SLC7A5: variants seen among roughly 807,000 people sequenced by gnomAD.
SLC7A5 encodes the protein solute carrier family 7 member 5, also known as large neutral amino acids transporter small subunit 1.
Under a neutral mutation model 50.2 loss-of-function variants are expected in SLC7A5, and 23 were observed. The observed-to-expected ratio is 0.46, with a 90% CI of 0.33 to 0.65. The LOEUF is 0.65. SLC7A5 is among the 30% of genes least tolerant of loss of function. The pLI is 0.02. For missense variants in SLC7A5, 578 were observed against 684.4 expected (o/e 0.84, Z 1.73); for synonymous variants, 393 against 330.6 (o/e 1.19, Z -2.05).
intron 2 of SLC7A5, among the ~76,000 whole-genome samples, chr16:87,847,617 A>G (rs1478375834): frequency 1.3e-5 from 2 of 152,140 alleles, no homozygotes; most frequent in Non-Finnish European, 2.9e-5. Flanking sequence ...TGAACCTCCC[A>G]AGAGCAGATG....
At chr16:87,836,454 C>A (rs774937771) in intron 8 of SLC7A5, 44 bp downstream of exon 8, 2 of 1,601,110 alleles carry the variant, frequency 1.2e-6, no homozygotes, top group Admixed American at 1.7e-5. Context: ...ACGGACCCTG[C>A]CTCTGTGAAG....
chr16:87,851,730 C>A lies in SLC7A5; in HGVS notation c.658G>T (p.Gly220Trp). 1 of 1,612,488 alleles carries A rather than the reference C, an allele frequency of 6.2e-7. No individual in the cohort carries two copies. The highest frequency in any genetic ancestry group is 8.5e-7 in the Non-Finnish European group (1 of 1,179,480). Residue 220 changes from glycine (G) to tryptophan (W), a missense_variant, in exon 2 of 10, where the codon GGG becomes TGG. By Grantham distance (184) the Gly-to-Trp change is radical. Around this residue, in one of 2 missense-constraint regions of SLC7A5, gnomAD observed 465 missense variants for 594.6 expected, o/e 0.78. Coordinates refer to ENST00000261622, the MANE Select transcript of SLC7A5 (RefSeq NM_003486.7). ...LIILLGFVQI[G>W]KGDVSNLDPN... ...GCCTGGGGGACGTACTCACCCTTCC[C>A]GATCTGGACGAAGCCCAGCAGGATG...
intron 1 of SLC7A5, among the ~76,000 whole-genome samples, chr16:87,865,398 C>T (rs568808124): frequency 6.6e-6 from 1 of 152,254 alleles, no homozygotes; most frequent in South Asian, 2.1e-4. Context: ...CCTACTGGGA[C>T]CAAAAGGACT....
At chr16:87,867,019 C>T (rs1216046302) in intron 1 of SLC7A5, among the ~76,000 whole-genome samples, 5 of 151,894 alleles carry the variant, frequency 3.3e-5, no homozygotes, top group Non-Finnish European at 7.4e-5. Flanking sequence ...GCAACCTCCA[C>T]ATCCCGGAGC....
rs4843720 is a variant in SLC7A5 at position 87,852,779 on chromosome 16, C to G, written c.539-930G>C. On this transcript the variant is annotated intron_variant, in intron 1 of 9. Coordinates refer to ENST00000261622, the MANE Select transcript of SLC7A5 (RefSeq NM_003486.7). This position sits in a 1 kb window ranked among gnomAD's most constrained non-coding sequence, Gnocchi z 4.5. Reference sequence around the variant, plus strand: ...TTGGGGGGTTCTGTTGCAATATGTGCGCACGCTGAGCCACTATTCAGGGAT... The same window carrying G: ...TTGGGGGGTTCTGTTGCAATATGTGGGCACGCTGAGCCACTATTCAGGGAT... Among the ~76,000 whole-genome samples, 65,510 of 150,888 alleles carry G rather than the reference C, an allele frequency of 0.43. 17,731 individuals carry two copies. The highest frequency in any genetic ancestry group is 0.76 in the African/African-American group (31,127 of 40,842).
intron 1 of SLC7A5, among the ~76,000 whole-genome samples, chr16:87,858,431 C>G (rs543482956): frequency 6.6e-6 from 1 of 152,130 alleles, no homozygotes; most frequent in African/African-American, 2.4e-5. Flanking sequence ...AACCCACGCC[C>G]CACTCCAAAC....
chr16:87,863,948 A>G (rs1449068187), intron 1 of SLC7A5, among the ~76,000 whole-genome samples: 2 of 133,374 alleles, frequency 1.5e-5, no homozygotes, highest in Non-Finnish European at 3.3e-5. Flanking sequence ...TCCTAAGCAG[A>G]AAATTCCAGA....
rs116486103 is a variant in SLC7A5, at chr16:87,849,592, C to T, written c.664+2132G>A. ...GCCTTCACGAGCAAAGCACCCCTTC[C>T]GTGCCCACTTCTGGGAGGCACAGGA... On this transcript the variant is annotated intron_variant, in intron 2 of 9. Coordinates refer to ENST00000261622, the MANE Select transcript of SLC7A5 (RefSeq NM_003486.7). 3.7e-3 allele frequency among the ~76,000 whole-genome samples: 563 copies of T among 152,320 alleles called. 5 individuals carry two copies. The highest frequency in any genetic ancestry group is 0.013 in the African/African-American group (539 of 41,574).
At chr16:87,835,413 G>A (rs1011081116) in intron 8 of SLC7A5, among the ~76,000 whole-genome samples, 1 of 152,258 alleles carries the variant, frequency 6.6e-6, no homozygotes, top group African/African-American at 2.4e-5. Context: ...CCCATGTAGG[G>A]CGGCTCCTCC....
At chr16:87,846,076 G>C (rs2055150657) in intron 2 of SLC7A5, among the ~76,000 whole-genome samples, 2 of 152,240 alleles carry the variant, frequency 1.3e-5, no homozygotes, top group Non-Finnish European at 2.9e-5. Flanking sequence ...AGGCCCAAAA[G>C]AGGTGCCCTG....
intron 2 of SLC7A5, among the ~76,000 whole-genome samples, chr16:87,851,126 C>T (rs1035870161): frequency 5.3e-5 from 8 of 151,778 alleles, no homozygotes; most frequent in Non-Finnish European, 1.2e-4. Flanking sequence ...AGACTGCTCT[C>T]ACCTGTTCCC....
Position 87,830,400 on chromosome 16 carries a change from C to G in SLC7A5, c.*2570G>C, listed in dbSNP as rs2054921957. On this transcript the variant is annotated 3_prime_UTR_variant, in exon 10 of 10. Coordinates refer to ENST00000261622, the MANE Select transcript of SLC7A5 (RefSeq NM_003486.7). Reference sequence around the variant, plus strand: ...TGTGGTGGGTTGTGCTTGAAAACACCTGAAGCCCACAAGTGGAAACCGCTG... The same window carrying G: ...TGTGGTGGGTTGTGCTTGAAAACACGTGAAGCCCACAAGTGGAAACCGCTG... 6.6e-6 allele frequency: 1 copy of G among 152,276 alleles called. No individual in the cohort carries two copies. The allele number at this position is 152,276 out of a possible 1,614,324, so 9.4% of individuals were successfully genotyped here. A position where few individuals can be genotyped will look rare whatever the true frequency, so the allele number is the denominator to read the frequency against.
At chr16:87,842,516 C>T (rs1413932131) in intron 2 of SLC7A5, among the ~76,000 whole-genome samples, 1 of 152,240 alleles carries the variant, frequency 6.6e-6, no homozygotes, top group African/African-American at 2.4e-5. Flanking sequence ...TACGGCAGAG[C>T]CCACGGTGGG....
In SLC7A5 at chr16:87,862,288, A is replaced by T. The variant is rs1215038275; in HGVS notation, c.538+6597T>A. Among the ~76,000 whole-genome samples the T allele has an allele frequency of 3.3e-5, 5 of 152,104 alleles. No individual in the cohort carries two copies. Among genetic ancestry groups the T allele is most frequent in the African/African-American group, 1.2e-4 (5 of 41,404 alleles). On this transcript the variant is annotated intron_variant, in intron 1 of 9. Transcript: ENST00000261622. The surrounding 1 kb of genome is among the most constrained non-coding windows in gnomAD (Gnocchi z 5.3). Reference sequence around the variant, plus strand: ...CAGGCAGCCTGAAGACCCTGGGGCAAAACACACACAGGCCCCCTCTGCTCT... The same window carrying T: ...CAGGCAGCCTGAAGACCCTGGGGCATAACACACACAGGCCCCCTCTGCTCT...
chr16:87,866,677 G>A (rs34377882), intron 1 of SLC7A5, among the ~76,000 whole-genome samples: 1 of 152,154 alleles, frequency 6.6e-6, no homozygotes, highest in Non-Finnish European at 1.5e-5. Context: ...ATGTTGGCCA[G>A]GCTGGTCTCG....
At position 87,837,850 on chromosome 16, in the gene SLC7A5, A is replaced by G; in HGVS notation, c.1135T>C (p.Phe379Leu). The G allele has an allele frequency of 6.2e-7, 1 of 1,603,904 alleles. No individual in the cohort carries two copies. The highest frequency in any genetic ancestry group is 8.5e-7 in the Non-Finnish European group (1 of 1,176,636). The change falls in exon 7 of 10, where the codon TTC becomes CTC. Residue 379 changes from phenylalanine to leucine, a missense_variant. Physicochemically the swap from Phe to Leu is conservative, Grantham distance 22 (BLOSUM62 0). Coordinates refer to ENST00000261622, the MANE Select transcript of SLC7A5 (RefSeq NM_003486.7). ...GGGCCGTGCAGCAGGCTTACCGTGA[A>G]CACGAGGGACGGCACGGGGGTGAGG... is the stretch of plus-strand genomic sequence containing the variant. ...QLLTPVPSLVFTCVMTLLYAF... is the reference protein window; with the variant it reads ...QLLTPVPSLVLTCVMTLLYAF...
At chr16:87,842,248 C>T (rs1219567086) in intron 2 of SLC7A5, among the ~76,000 whole-genome samples, 1 of 152,212 alleles carries the variant, frequency 6.6e-6, no homozygotes, top group East Asian at 1.9e-4. Context: ...TGACAGTATC[C>T]TTCCTGCTGG....
chr16:87,868,126 A>G (rs1567504647), intron 1 of SLC7A5, among the ~76,000 whole-genome samples: 1 of 146,414 alleles, frequency 6.8e-6, no homozygotes, highest in African/African-American at 2.7e-5. Flanking sequence ...AAAAAAAAAA[A>G]AAAAAAAGAA....
chr16:87,834,320 C>T (rs1171246876), intron 9 of SLC7A5, 94 bp downstream of exon 9: 41 of 1,252,164 alleles, frequency 3.3e-5, no homozygotes, highest in Non-Finnish European at 4.0e-5. Context: ...CAACACGCTT[C>T]GCCCCATGTG....
Sources: allele counts gnomAD v4.1 joint callset (sites outside exome capture counted in the v4.1 genomes callset), GRCh38; gene constraint gnomAD v4.1.1; regional missense constraint gnomAD v4.1.1; non-coding constraint Gnocchi (gnomAD v3.1); transcripts MANE v1.5; gene names NCBI Gene and HGNC (gene_info 2026-07-23, HGNC 2026-07-21).